The following SLC26A7 variants were observed in gnomAD, a reference collection of about 807,000 sequenced individuals.
SLC26A7 encodes solute carrier family 26 member 7, also known as anion exchange transporter.
In SLC26A7, 59 loss-of-function variants were observed where a neutral mutation model predicts 82.5. That is an observed-to-expected ratio of 0.72 (90% CI 0.58 to 0.89). The LOEUF is 0.89. Among genes scored for constraint, SLC26A7 ranks in the 40% least tolerant of loss-of-function variants. The probability of loss-of-function intolerance (pLI) is 0.00; values close to 1 mark genes in which losing one functional copy is unlikely to be tolerated. For missense variants in SLC26A7, 820 were observed against 793.0 expected (o/e 1.03, Z -0.41); for synonymous variants, 271 against 274.3 (o/e 0.99, Z 0.12).
At chr8:91,322,559 C>T (rs1048738024) in intron 5 of SLC26A7, among the ~76,000 whole-genome samples, 3 of 152,042 alleles carry the variant, frequency 2.0e-5, no homozygotes, top group Admixed American at 6.6e-5. Context: ...ATCTTTTTAT[C>T]AGAAAGGATG....
At chr8:91,306,714 AT>A (rs34135646) in intron 4 of SLC26A7, among the ~76,000 whole-genome samples, 18,590 of 144,876 alleles carry the variant, frequency 0.13, 1,394 homozygotes, top group Middle Eastern at 0.23. Context: ...AGATTTCCTT[AT>A]TTTTTTTTTT....
Position 91,393,970 on chromosome 8 carries a change from C to T in SLC26A7, c.1866C>T (p.Asn622=), listed in dbSNP as rs368698648. ...TAAAAGCAATGACGTATTATGGAAA[C>T]CTAGACTCAGAGAAACCAATTTTTT... The part of the protein sequence containing the change: ...SLIKAMTYYG[N]LDSEKPIFFE... The change falls in exon 18 of 19, where the codon AAC becomes AAT. Residue 622 remains asparagine (N), a synonymous_variant. Transcript: ENST00000276609. 3.2e-5 allele frequency: 52 copies of T among 1,613,562 alleles called. No individual in the cohort carries two copies. Among genetic ancestry groups the T allele is most frequent in the Non-Finnish European group, 4.4e-5 (52 of 1,179,686 alleles).
At chr8:91,235,274 G>A (rs1211730373) in intron 2 of SLC26A7, among the ~76,000 whole-genome samples, 1 of 152,098 alleles carries the variant, frequency 6.6e-6, no homozygotes, top group East Asian at 1.9e-4. Flanking sequence ...TCTGGTCATT[G>A]AGGGCTTAGT....
At chr8:91,282,887 C>T (rs72666080) in intron 2 of SLC26A7, among the ~76,000 whole-genome samples, 2,663 of 152,268 alleles carry the variant, frequency 0.017, 30 homozygotes, top group Non-Finnish European at 0.026. Context: ...AAATTTGTCC[C>T]CTCCTCAGGC....
intron 15 of SLC26A7, among the ~76,000 whole-genome samples, chr8:91,381,840 C>T (rs149307816): frequency 2.0e-5 from 3 of 152,200 alleles, no homozygotes; most frequent in African/African-American, 7.2e-5. Context: ...TTTTATTTCA[C>T]TTCTTAATTT....
chr8:91,298,422 C>CT (rs970251579), intron 4 of SLC26A7, among the ~76,000 whole-genome samples: 106 of 151,926 alleles, frequency 7.0e-4, no homozygotes, highest in Admixed American at 2.7e-3. Flanking sequence ...TGCTCTTTGC[C>CT]TTTTTTTGCT....
chr8:91,329,164 T>C (rs1813010873), intron 5 of SLC26A7, among the ~76,000 whole-genome samples: 1 of 152,188 alleles, frequency 6.6e-6, no homozygotes, highest in Non-Finnish European at 1.5e-5. Flanking sequence ...TGACTGGATT[T>C]ATACCAGAAA....
chr8:91,395,070 CAA>C lies in SLC26A7; in HGVS notation c.1946_1947del (p.Lys649ThrfsTer3). On this transcript the variant is annotated frameshift_variant, in exon 19 of 19. Transcript: ENST00000276609. LOFTEE classifies it high-confidence loss of function. Reference protein sequence around the residue: ...SHIHSNKNLSKLSDHSEV With the variant: ...SHIHSNKNLSXLSDHSEV ...TTCCTCTGGTATTTCAGAATTTGAG[CAA>C]ACTCAGTGACCACAGTGAAGTCTGA... The C allele has an allele frequency of 6.2e-7, 1 of 1,613,346 alleles. No individual in the cohort carries two copies. Among genetic ancestry groups the C allele is most frequent in the Non-Finnish European group, 8.5e-7 (1 of 1,179,362 alleles).
chr8:91,340,630 T>C (rs1586430180), intron 8 of SLC26A7, 79 bp downstream of exon 8: 6 of 1,532,292 alleles, frequency 3.9e-6, no homozygotes, highest in Non-Finnish European at 4.5e-6. Flanking sequence ...AATGATGAAC[T>C]TATGAAAAAT....
chr8:91,300,693 G>A (rs1262881055), intron 4 of SLC26A7, among the ~76,000 whole-genome samples: 1 of 152,150 alleles, frequency 6.6e-6, no homozygotes, highest in Non-Finnish European at 1.5e-5. Flanking sequence ...CACCGCGCCC[G>A]GCCAGAGATG....
chr8:91,377,789 C>T (rs193161669), intron 15 of SLC26A7, among the ~76,000 whole-genome samples: 158 of 152,242 alleles, frequency 1.0e-3, no homozygotes, highest in African/African-American at 3.7e-3. Flanking sequence ...CTGAGTTCCT[C>T]GGCTGCCAGT....
chr8:91,366,868 A>T, intron 14 of SLC26A7, 151 bp downstream of exon 14: 1 of 862,206 alleles, frequency 1.2e-6, no homozygotes, highest in African/African-American at 1.7e-5. Flanking sequence ...TATTTTAGTT[A>T]ATTTTTAGGT....
At chr8:91,361,856 G>A (rs1457004352) in intron 11 of SLC26A7, among the ~76,000 whole-genome samples, 2 of 152,076 alleles carry the variant, frequency 1.3e-5, no homozygotes, top group Non-Finnish European at 2.9e-5. Flanking sequence ...AGTGGCACTG[G>A]CAGTGTTGTT....
At chr8:91,281,855 T>C (rs1380919945) in intron 2 of SLC26A7, among the ~76,000 whole-genome samples, 1 of 152,202 alleles carries the variant, frequency 6.6e-6, no homozygotes, top group East Asian at 1.9e-4. Flanking sequence ...AGTATTGTGC[T>C]TTTCAGAATA....
At chr8:91,246,318 T>A (rs537373300), upstream of SLC26A7, among the ~76,000 whole-genome samples, 4 of 152,312 alleles carry the variant, frequency 2.6e-5, no homozygotes, top group South Asian at 6.2e-4. Context: ...AAAAGGAATG[T>A]ACAATCTCAT....
chr8:91,356,949 A>G (rs1221948901), intron 11 of SLC26A7, among the ~76,000 whole-genome samples: 1 of 152,170 alleles, frequency 6.6e-6, no homozygotes, highest in African/African-American at 2.4e-5. Flanking sequence ...TCTTATTTAG[A>G]TCATGGAAGC....
chr8:91,350,538 C>G (rs1813685021), intron 9 of SLC26A7, among the ~76,000 whole-genome samples: 1 of 152,058 alleles, frequency 6.6e-6, no homozygotes, highest in Admixed American at 6.6e-5. Context: ...TTCTTTGCCT[C>G]CACCTCCAGC....
chr8:91,395,277 T>G lies in SLC26A7; in HGVS notation c.*180T>G. ...GAACTGCCAACTTTTTTTTCTCATTTTTGTTAGTAAGAAGATTCGCTTAGT... is the reference window on the plus strand; with the variant it reads ...GAACTGCCAACTTTTTTTTCTCATTGTTGTTAGTAAGAAGATTCGCTTAGT... On this transcript the variant is annotated 3_prime_UTR_variant, in exon 19 of 19. Transcript: ENST00000276609. 7.2e-7 allele frequency: 1 copy of G among 1,387,634 alleles called. No homozygotes were observed. Among genetic ancestry groups the G allele is most frequent in the Non-Finnish European group, 9.3e-7 (1 of 1,070,000 alleles). 86.0% of individuals were successfully genotyped at this position (1,387,634 alleles called of 1,614,324 possible).
intron 9 of SLC26A7, among the ~76,000 whole-genome samples, chr8:91,351,475 G>T (rs1467031424): frequency 6.6e-6 from 1 of 152,070 alleles, no homozygotes; most frequent in African/African-American, 2.4e-5. Flanking sequence ...ACAGGCTAAA[G>T]AAATTTTAAT....
Sources: gnomAD v4.1 joint callset for allele counts (sites outside exome capture counted in the v4.1 genomes callset) on GRCh38, gnomAD v4.1.1 for gene constraint, MANE v1.5 for transcripts, NCBI Gene and HGNC (gene_info 2026-07-23, HGNC 2026-07-21) for gene names.